The following RALGAPA1 variants were observed in gnomAD, a reference collection of about 807,000 sequenced individuals.
RALGAPA1 encodes ral GTPase-activating protein subunit alpha-1.
In RALGAPA1, 52 loss-of-function variants were observed where a neutral mutation model predicts 269.6. The observed-to-expected ratio is 0.19, with a 90% CI of 0.15 to 0.24. RALGAPA1 has a LOEUF of 0.24. Among genes scored for constraint, RALGAPA1 ranks in the 10% least tolerant of loss-of-function variants. The pLI, the probability that RALGAPA1 is intolerant of heterozygous loss-of-function variation, is 1.00. For missense variants in RALGAPA1, 1,917 were observed against 3,013.9 expected (o/e 0.64, Z 8.52); for synonymous variants, 817 against 1,008.3 (o/e 0.81, Z 3.60).
intron 1 of RALGAPA1, among the ~76,000 whole-genome samples, chr14:35,782,278 T>C (rs1357477866): frequency 6.6e-6 from 1 of 152,184 alleles, no homozygotes; most frequent in Non-Finnish European, 1.5e-5. Flanking sequence ...AGTACAAGAC[T>C]TGTACACTGG....
intron 21 of RALGAPA1, among the ~76,000 whole-genome samples, chr14:35,682,647 G>T (rs1014006573): frequency 2.0e-5 from 3 of 151,838 alleles, no homozygotes; most frequent in African/African-American, 7.3e-5. Flanking sequence ...TGCGTAGTAG[G>T]GTCTCATTGT....
chr14:35,735,251 A>T lies in RALGAPA1; in HGVS notation c.1587+3262T>A, dbSNP rs559082529. 3.9e-5 allele frequency among the ~76,000 whole-genome samples: 6 copies of T among 152,362 alleles called. No homozygotes were observed. The South Asian group carries it at 1.2e-3, about 32-fold the overall frequency. On this transcript the variant is annotated intron_variant, in intron 12 of 41. Coordinates refer to ENST00000680220, the MANE Select transcript of RALGAPA1 (RefSeq NM_001346249.2). ...GAAAACAAGTCATTATATGAAAAAG[A>T]TACTTGCACACACGTTTATAGCAGC...
intron 31 of RALGAPA1, among the ~76,000 whole-genome samples, chr14:35,648,502 G>T (rs1157564728): frequency 6.6e-6 from 1 of 151,724 alleles, no homozygotes; most frequent in South Asian, 2.1e-4. Context: ...TGAATGATAG[G>T]CTGGGCACAG....
At chr14:35,725,873 T>C (rs1449897666) in intron 13 of RALGAPA1, among the ~76,000 whole-genome samples, 1 of 152,166 alleles carries the variant, frequency 6.6e-6, no homozygotes, top group Non-Finnish European at 1.5e-5. Flanking sequence ...CATTATGCAG[T>C]TTTTTAATCT....
At chr14:35,666,017 CT>C (rs60498434) in intron 26 of RALGAPA1, among the ~76,000 whole-genome samples, 2,299 of 144,412 alleles carry the variant, frequency 0.016, 48 homozygotes, top group African/African-American at 0.049. Context: ...GTGTTTCCTC[CT>C]TTTTTTTTTT....
chr14:35,802,192 C>G (rs1567265192), intron 1 of RALGAPA1, among the ~76,000 whole-genome samples: 1 of 152,156 alleles, frequency 6.6e-6, no homozygotes, highest in Admixed American at 6.5e-5. Flanking sequence ...CCTGTAATCC[C>G]AGCCACTCAG....
At chr14:35,715,829 T>C in intron 16 of RALGAPA1, 1 of 985,466 alleles carries the variant, frequency 1.0e-6, no homozygotes, top group Non-Finnish European at 1.2e-6. Flanking sequence ...ATCAGCAATT[T>C]GCTTCAAGAT....
chr14:35,661,732 T>C (rs998265832), intron 27 of RALGAPA1, among the ~76,000 whole-genome samples: 3 of 152,180 alleles, frequency 2.0e-5, no homozygotes, highest in Non-Finnish European at 4.4e-5. Flanking sequence ...AGGATCAACC[T>C]TCAACTTTGT....
intron 35 of RALGAPA1, among the ~76,000 whole-genome samples, chr14:35,624,942 G>A (rs1270912872): frequency 6.6e-6 from 1 of 152,024 alleles, no homozygotes; most frequent in Non-Finnish European, 1.5e-5. Flanking sequence ...TGTAATCCCA[G>A]CACTTTGGGA....
intron 39 of RALGAPA1, among the ~76,000 whole-genome samples, chr14:35,567,355 A>T (rs906285279): frequency 1.3e-5 from 2 of 152,126 alleles, no homozygotes; most frequent in Non-Finnish European, 2.9e-5. Flanking sequence ...TTTTATATTG[A>T]CTGTAATCTT....
intron 6 of RALGAPA1, among the ~76,000 whole-genome samples, chr14:35,758,243 C>CAAAAAAAAAAAAAAAA (rs66473514): frequency 6.0e-5 from 3 of 49,744 alleles, no homozygotes; most frequent in Non-Finnish European, 1.2e-4. Context: ...GACTCTGTCT[C>CAAAAAAAAAAAAAAAA]AAAAAAAAAA....
intron 39 of RALGAPA1, chr14:35,564,306 CAT>C (rs1400977187): frequency 6.6e-6 from 1 of 152,170 alleles, no homozygotes; most frequent in African/African-American, 2.4e-5. Flanking sequence ...CATAAAATTA[CAT>C]AGTTTCTCAA....
rs913888039 is a variant in RALGAPA1, at chr14:35,683,605, TCA to T, written c.4471+202_4471+203del. 2.8e-5 allele frequency: 13 copies of T among 459,260 alleles called. No homozygotes were observed. The Admixed American group carries it at 3.0e-4, about 10-fold the overall frequency. 28.4% of individuals were successfully genotyped at this position (459,260 alleles called of 1,614,324 possible). ...AAATATTGCATAAAATACTACAAGT[TCA>T]CAGAGTCCTCTGAAGCTTAACCCAG... On this transcript the variant is annotated intron_variant, in intron 21 of 41. Coordinates refer to ENST00000680220, the MANE Select transcript of RALGAPA1 (RefSeq NM_001346249.2).
chr14:35,749,839 AAC>A (rs1232526414), intron 9 of RALGAPA1, among the ~76,000 whole-genome samples: 11 of 152,162 alleles, frequency 7.2e-5, no homozygotes, highest in Non-Finnish European at 1.5e-4. Context: ...TTATAGAAAA[AAC>A]ACACATAGTT....
chr14:35,734,734 A>AAAAGG (rs2070817956), intron 12 of RALGAPA1, among the ~76,000 whole-genome samples: 1 of 152,222 alleles, frequency 6.6e-6, no homozygotes, highest in Non-Finnish European at 1.5e-5. Flanking sequence ...TTTATACAGC[A>AAAAGG]AAAGGAATAG....
chr14:35,611,668 C>G (rs557701314), intron 35 of RALGAPA1, among the ~76,000 whole-genome samples: 6 of 151,592 alleles, frequency 4.0e-5, no homozygotes, highest in Admixed American at 2.0e-4. Flanking sequence ...CCAGGAGTTC[C>G]AGGCTGCAGT....
chr14:35,801,244 GACACACACACACACACACACAC>G (rs201700521), intron 1 of RALGAPA1, among the ~76,000 whole-genome samples: 17 of 135,016 alleles, frequency 1.3e-4, no homozygotes, highest in Non-Finnish European at 2.3e-4. Context: ...TATATACACA[GACACACACACACACACACACAC>G]ACACACACAC....
intron 17 of RALGAPA1, among the ~76,000 whole-genome samples, chr14:35,697,330 G>GT (rs530092895): frequency 9.2e-4 from 137 of 148,838 alleles, no homozygotes; most frequent in African/African-American, 2.6e-3. Context: ...TATAAACAGT[G>GT]TTTTTTTTTG....
chr14:35,699,701 C>T (rs1409056985), intron 17 of RALGAPA1, among the ~76,000 whole-genome samples: 1 of 151,922 alleles, frequency 6.6e-6, no homozygotes, highest in Non-Finnish European at 1.5e-5. Context: ...ACTGATTACC[C>T]TTACTTAGTT....
Sources: gnomAD v4.1 joint callset for allele counts (sites outside exome capture counted in the v4.1 genomes callset) on GRCh38, gnomAD v4.1.1 for gene constraint, MANE v1.5 for transcripts, NCBI Gene and HGNC (gene_info 2026-07-23, HGNC 2026-07-21) for gene names.